PPFIA1: variants seen among roughly 807,000 people sequenced by gnomAD.
The protein encoded by PPFIA1 is liprin-alpha-1.
In PPFIA1, 25 loss-of-function variants were observed where a neutral mutation model predicts 149.9. That is an observed-to-expected ratio of 0.17 (90% CI 0.12 to 0.23). The LOEUF is 0.23. Ranked by LOEUF, PPFIA1 falls within the 10% of genes least tolerant of loss-of-function variation. The pLI is 1.00. For synonymous variants in PPFIA1, 549 were observed against 552.8 expected (o/e 0.99, Z 0.10); for missense variants, 1,362 against 1,506.5 (o/e 0.90, Z 1.59).
intron 10 of PPFIA1, 100 bp from the exon 11 acceptor site, chr11:70,335,463 G>A: frequency 7.1e-7 from 1 of 1,401,254 alleles, no homozygotes; most frequent in East Asian, 2.4e-5. Flanking sequence ...CTGGGGGAGG[G>A]GAGGGCACAC....
At chr11:70,342,452 C>T (rs1224599791) in intron 14 of PPFIA1, among the ~76,000 whole-genome samples, 1 of 152,214 alleles carries the variant, frequency 6.6e-6, no homozygotes, top group African/African-American at 2.4e-5. Context: ...ACACTTTTCC[C>T]TCTGCATTCT....
rs866231138 is a variant in PPFIA1, at chr11:70,277,085, C to T, written c.264+4649C>T. Among the ~76,000 whole-genome samples the T allele has an allele frequency of 7.3e-4, 69 of 94,250 alleles. 1 individual carries two copies. Among genetic ancestry groups the T allele is most frequent in the Middle Eastern group, 8.5e-3 (1 of 118 alleles). 61.8% of individuals were successfully genotyped at this position (94,250 alleles called of 152,430 possible). A position where few individuals can be genotyped will look rare whatever the true frequency, so the allele number is the denominator to read the frequency against. On this transcript the variant is annotated intron_variant, in intron 2 of 27. Transcript: ENST00000253925. ...ATTTTTTTTTTTCCAGGCACAGTCT[C>T]ATTGTGTCTCCCAGGGTCAAGTCCT...
chr11:70,276,755 C>A (rs187055192), intron 2 of PPFIA1, among the ~76,000 whole-genome samples: 2 of 151,512 alleles, frequency 1.3e-5, no homozygotes, highest in Non-Finnish European at 1.5e-5. Flanking sequence ...AGCATTTTTC[C>A]CCGCTAGAGA....
chr11:70,338,360 T>C lies in PPFIA1; in HGVS notation c.1492-14T>C. ...AAGAGATAGCAGTAATGTAAGTCTT[T>C]TGCTTTTCTGTAGGATCAGCTTGTC... On this transcript the variant is annotated splice_polypyrimidine_tract_variant and intron_variant, in intron 12 of 27. Transcript: ENST00000253925. The C allele has an allele frequency of 3.1e-6, 5 of 1,599,812 alleles. No homozygotes were observed. Among genetic ancestry groups the C allele is most frequent in the East Asian group, 2.2e-5 (1 of 44,826 alleles).
rs1197932220 is a variant in PPFIA1 at position 70,270,738 on chromosome 11, T to C, written c.-177T>C. The stretch of plus-strand genomic sequence containing the variant: ...GCCCGCTCCTCCTCCGCTCCGCCAG[T>C]GTCCGGCCGCGGGCCGGCCTTAGTG... On this transcript the variant is annotated 5_prime_UTR_variant, in exon 1 of 28. Transcript: ENST00000253925. 2.0e-5 allele frequency: 3 copies of C among 150,348 alleles called. No homozygotes were observed. The highest frequency in any genetic ancestry group is 6.6e-5 in the Admixed American group (1 of 15,128). The allele number at this position is 150,348 out of a possible 1,614,324, so 9.3% of individuals were successfully genotyped here. A position where few individuals can be genotyped will look rare whatever the true frequency, so the allele number is the denominator to read the frequency against.
At chr11:70,272,736 A>G (rs1016962310) in intron 2 of PPFIA1, among the ~76,000 whole-genome samples, 2 of 152,154 alleles carry the variant, frequency 1.3e-5, no homozygotes, top group African/African-American at 2.4e-5. Flanking sequence ...CAACCAATCT[A>G]TTTGGTGCCT....
intron 14 of PPFIA1, among the ~76,000 whole-genome samples, chr11:70,343,063 T>G (rs2055449880): frequency 6.8e-6 from 1 of 147,098 alleles, no homozygotes; most frequent in African/African-American, 2.5e-5. Context: ...TTCTCCTGCC[T>G]CAGCCTCTCC....
intron 2 of PPFIA1, among the ~76,000 whole-genome samples, chr11:70,273,339 CTT>C (rs148874602): frequency 9.7e-4 from 147 of 152,166 alleles, no homozygotes; most frequent in African/African-American, 3.5e-3. Flanking sequence ...GTTTGAAAGA[CTT>C]TGCTCATGGA....
chr11:70,367,465 T>G (rs1225953018), intron 21 of PPFIA1: 4 of 453,812 alleles, frequency 8.8e-6, no homozygotes, highest in Non-Finnish European at 1.8e-5. Context: ...GTCATGGAGC[T>G]CCCATTTTAT....
chr11:70,338,910 G>T (rs1404505703), intron 13 of PPFIA1, among the ~76,000 whole-genome samples: 3 of 152,204 alleles, frequency 2.0e-5, no homozygotes, highest in Non-Finnish European at 4.4e-5. Flanking sequence ...ATCCTAGACA[G>T]CTGGGCTCCT....
At chr11:70,319,252 T>C (rs1180895462) in intron 2 of PPFIA1, among the ~76,000 whole-genome samples, 1 of 152,192 alleles carries the variant, frequency 6.6e-6, no homozygotes, top group Non-Finnish European at 1.5e-5. Flanking sequence ...GGTGAACAGG[T>C]CCAGAGTCCC....
intron 2 of PPFIA1, among the ~76,000 whole-genome samples, chr11:70,276,532 G>A (rs1429143553): frequency 6.6e-6 from 1 of 151,966 alleles, no homozygotes; most frequent in African/African-American, 2.4e-5. Flanking sequence ...AGGTTATGCT[G>A]GTTTCTTAAA....
intron 2 of PPFIA1, among the ~76,000 whole-genome samples, chr11:70,276,225 G>A (rs895302338): frequency 3.3e-5 from 5 of 150,700 alleles, no homozygotes; most frequent in African/African-American, 1.2e-4. Flanking sequence ...TCCCACCTCA[G>A]CCTCTCAAGT....
intron 2 of PPFIA1, among the ~76,000 whole-genome samples, chr11:70,314,663 A>G (rs1341431752): frequency 2.0e-5 from 3 of 152,202 alleles, no homozygotes; most frequent in Non-Finnish European, 4.4e-5. Flanking sequence ...ATAGGATCAT[A>G]TGGAAATGCG....
chr11:70,346,651 C>G (rs950338321), intron 15 of PPFIA1, among the ~76,000 whole-genome samples: 32 of 152,192 alleles, frequency 2.1e-4, no homozygotes, highest in African/African-American at 7.0e-4. Context: ...CTTTCCTCAT[C>G]ATTATGGGAG....
At chr11:70,371,918 C>T in intron 21 of PPFIA1, 1 of 215,634 alleles carries the variant, frequency 4.6e-6, no homozygotes, top group East Asian at 1.1e-4. Context: ...CATTATTATA[C>T]TAAAAACTAT....
At chr11:70,316,647 G>A (rs1448576568) in intron 2 of PPFIA1, among the ~76,000 whole-genome samples, 1 of 149,258 alleles carries the variant, frequency 6.7e-6, no homozygotes, top group African/African-American at 2.5e-5. Context: ...CTACTTCGAG[G>A]CATTGGGATG....
chr11:70,307,657 G>A (rs768651855), intron 2 of PPFIA1, among the ~76,000 whole-genome samples: 19 of 152,106 alleles, frequency 1.2e-4, no homozygotes, highest in Non-Finnish European at 2.5e-4. Context: ...GGGTGTGATC[G>A]CCCCTGTAGT....
intron 15 of PPFIA1, 89 bp from the exon 16 acceptor site, chr11:70,348,099 TA>T (rs2055827964): frequency 9.5e-7 from 1 of 1,056,978 alleles, no homozygotes; most frequent in African/African-American, 1.6e-5. Context: ...TTACTCATAG[TA>T]ATACAGAGTA....
Sources: allele counts gnomAD v4.1 joint callset (sites outside exome capture counted in the v4.1 genomes callset), GRCh38; gene constraint gnomAD v4.1.1; transcripts MANE v1.5; gene names NCBI Gene and HGNC (gene_info 2026-07-23, HGNC 2026-07-21).